Variants in UBE4B observed in about 807,000 individuals in gnomAD.
UBE4B encodes ubiquitination factor E4B.
UBE4B carries 27 observed loss-of-function variants against 148.1 expected under a neutral mutation model. The observed-to-expected ratio is 0.18, with a 90% CI of 0.13 to 0.25. The LOEUF (loss-of-function observed/expected upper bound fraction) is 0.25, where lower values mean the gene tolerates loss of function less well. Ranked by LOEUF, UBE4B falls within the 10% of genes least tolerant of loss-of-function variation. The probability of loss-of-function intolerance (pLI) is 1.00; values close to 1 mark genes in which losing one functional copy is unlikely to be tolerated. For synonymous variants in UBE4B, 596 were observed against 619.3 expected, an observed-to-expected ratio of 0.96 and a Z score of 0.56; for missense variants, 1,170 against 1,662.4, an observed-to-expected ratio of 0.70 and a Z score of 5.15.
chr1:10,180,059 G>A lies in UBE4B; in HGVS notation c.*103G>A. The A allele has an allele frequency of 6.6e-7, 1 of 1,504,022 alleles. No individual in the cohort carries two copies. The highest frequency in any genetic ancestry group is 9.1e-7 in the Non-Finnish European group (1 of 1,093,740). The allele number at this position is 1,504,022 out of a possible 1,614,324, so 93.2% of individuals were successfully genotyped here. ...GCCGTTCATGTGTTGGAGGCCAAATGTGGCAAACCAACCCCAGGCCCACCC... is the reference window on the plus strand; with the variant it reads ...GCCGTTCATGTGTTGGAGGCCAAATATGGCAAACCAACCCCAGGCCCACCC... On this transcript the variant is annotated 3_prime_UTR_variant, in exon 28 of 28. Coordinates refer to ENST00000343090, the MANE Select transcript of UBE4B (RefSeq NM_001105562.3).
chr1:10,139,710 TTTTA>T (rs1374799674), intron 17 of UBE4B, among the ~76,000 whole-genome samples: 2 of 152,184 alleles, frequency 1.3e-5, no homozygotes, highest in African/African-American at 4.8e-5. Flanking sequence ...TTATTTCTGC[TTTTA>T]TTTATTTATT....
chr1:10,106,610 G>C lies in UBE4B; in HGVS notation c.1196+27G>C, dbSNP rs750490354. On this transcript the variant is annotated intron_variant, in intron 7 of 27. Transcript: ENST00000343090. The surrounding 1 kb of genome is among the most constrained non-coding windows in gnomAD (Gnocchi z 4.2). ...TATTTATCCCACAGGAGAGTTGCATGTGTGTTTGCGGTGCAGGGAAAGGAG... is the reference window on the plus strand; with the variant it reads ...TATTTATCCCACAGGAGAGTTGCATCTGTGTTTGCGGTGCAGGGAAAGGAG... 2 of 1,507,324 alleles carry C rather than the reference G, an allele frequency of 1.3e-6. No individual in the cohort carries two copies. Among genetic ancestry groups the C allele is most frequent in the Non-Finnish European group, 1.8e-6 (2 of 1,136,256 alleles). 93.4% of individuals were successfully genotyped at this position (1,507,324 alleles called of 1,614,324 possible). A position where few individuals can be genotyped will look rare whatever the true frequency, so the allele number is the denominator to read the frequency against.
chr1:10,166,277 G>C (rs1041001527), intron 23 of UBE4B: 1 of 152,218 alleles, frequency 6.6e-6, no homozygotes, highest in African/African-American at 2.4e-5. Context: ...GTATCCATGA[G>C]TCAAACAGCT....
chr1:10,156,512 A>G (rs1646075142), intron 21 of UBE4B, among the ~76,000 whole-genome samples: 1 of 152,010 alleles, frequency 6.6e-6, no homozygotes, highest in Admixed American at 6.6e-5. Flanking sequence ...AGTGCTGGAA[A>G]TACAGATGCG....
In UBE4B at chr1:10,132,396, A is replaced by G; in HGVS notation, c.1939A>G (p.Ile647Val). 1.2e-6 allele frequency: 2 copies of G among 1,614,136 alleles called. No individual in the cohort carries two copies. The highest frequency in any genetic ancestry group is 1.3e-5 in the African/African-American group (1 of 75,054). ...RQELFKILHS[I>V]LLNGETREAA... ...AGAGCTTTTTAAGATTCTGCATAGT[A>G]TTTTGTTAAATGGCGAAACCCGTGA... is the stretch of plus-strand genomic sequence containing the variant. Residue 647 changes from isoleucine (I) to valine (V), a missense_variant, in exon 15 of 28, where the codon ATT (isoleucine) becomes GTT (valine). This residue lies in a region of UBE4B where 388 missense variants were observed against 536.0 expected (regional missense o/e 0.72). Transcript: ENST00000343090.
chr1:10,163,688 AAGAG>A (rs988245474), intron 23 of UBE4B, among the ~76,000 whole-genome samples: 1 of 151,888 alleles, frequency 6.6e-6, no homozygotes, highest in Non-Finnish European at 1.5e-5. Context: ...ATAAATATTA[AAGAG>A]AGAGAGTCTT....
At chr1:10,141,479 G>A (rs1235513519) in intron 17 of UBE4B, among the ~76,000 whole-genome samples, 1 of 152,156 alleles carries the variant, frequency 6.6e-6, no homozygotes, top group East Asian at 1.9e-4. Context: ...AACCATCCCT[G>A]CTGACCCCTT....
Position 10,081,808 on chromosome 1 carries a change from C to T in UBE4B, c.211+9594C>T, listed in dbSNP as rs142686814. ...TTCACCATGTTGGCCAGGCTGGTCT[C>T]GAACTCCTGACCTCAGGTGGGCTGC... On this transcript the variant is annotated intron_variant, in intron 2 of 27. Transcript: ENST00000343090. Among the ~76,000 whole-genome samples, 72 of 152,236 alleles carry T rather than the reference C, an allele frequency of 4.7e-4. No individual in the cohort carries two copies. In the East Asian group the frequency reaches 0.012, roughly 24 times the overall value.
At chr1:10,174,535 T>C (rs1209030257) in intron 25 of UBE4B, among the ~76,000 whole-genome samples, 1 of 151,474 alleles carries the variant, frequency 6.6e-6, no homozygotes, top group Non-Finnish European at 1.5e-5. Context: ...ACCCTGTTTC[T>C]ACTAAAAATA....
chr1:10,088,969 A>C (rs935819696), intron 2 of UBE4B, among the ~76,000 whole-genome samples: 1 of 152,036 alleles, frequency 6.6e-6, no homozygotes, highest in African/African-American at 2.4e-5. Context: ...GTGAGCCACC[A>C]CACCCAGCCC....
At chr1:10,105,825 G>T in intron 6 of UBE4B, 81 bp downstream of exon 6, 2 of 1,337,178 alleles carry the variant, frequency 1.5e-6, no homozygotes, top group Non-Finnish European at 2.1e-6. Context: ...TTTGTTGACA[G>T]TGTTAATCAG....
In UBE4B at chr1:10,137,591, T is replaced by G. The variant is rs553601982; in HGVS notation, c.2363+386T>G. Among the ~76,000 whole-genome samples the G allele has an allele frequency of 5.3e-5, 8 of 152,336 alleles. No homozygotes were observed. The East Asian group carries it at 1.3e-3, about 26-fold the overall frequency. Reference sequence around the variant, plus strand: ...AAAAAGTAACCATGGTTTCCCTTGATAACCAGGATCATTTACTCCTGCCTA... The same window carrying G: ...AAAAAGTAACCATGGTTTCCCTTGAGAACCAGGATCATTTACTCCTGCCTA... On this transcript the variant is annotated intron_variant, in intron 17 of 27. Transcript: ENST00000343090.
At chr1:10,171,389 C>G in intron 25 of UBE4B, 60 bp downstream of exon 25, 1 of 1,570,174 alleles carries the variant, frequency 6.4e-7, no homozygotes, top group East Asian at 2.3e-5. Context: ...ATAATAACCA[C>G]AGTGGCCAGG....
Position 10,158,375 on chromosome 1 carries a change from C to T in UBE4B, c.2946C>T (p.Ala982=). The T allele has an allele frequency of 6.2e-7, 1 of 1,614,118 alleles. No homozygotes were observed. Among genetic ancestry groups the T allele is most frequent in the Non-Finnish European group, 8.5e-7 (1 of 1,180,016 alleles). The change falls in exon 22 of 28, where the codon GCC becomes GCT. Residue 982 remains alanine, a synonymous_variant. Transcript: ENST00000343090. ...KFYTDVEHTG[A]TSEFYDKFTI... is the part of the protein sequence containing the mutation. ...CTTTAGATGTTGAGCATACCGGAGC[C>T]ACCAGTGAGTTTTATGACAAGTTCA...
At chr1:10,047,569 C>T (rs1190145684) in intron 1 of UBE4B, among the ~76,000 whole-genome samples, 7 of 150,856 alleles carry the variant, frequency 4.6e-5, no homozygotes, top group African/African-American at 9.8e-5. Flanking sequence ...CTCGGCTCAC[C>T]GCAAGCTCCG....
intron 2 of UBE4B, among the ~76,000 whole-genome samples, chr1:10,083,124 T>C (rs935651528): frequency 1.3e-5 from 2 of 152,172 alleles, no homozygotes; most frequent in Non-Finnish European, 2.9e-5. Context: ...TGTGTCTTTA[T>C]GGTAGAATGA....
chr1:10,172,836 A>G (rs537445988), intron 25 of UBE4B, among the ~76,000 whole-genome samples: 341 of 152,284 alleles, frequency 2.2e-3, no homozygotes, highest in African/African-American at 7.8e-3. Flanking sequence ...ATGCTGGACC[A>G]CAAAGACCAT....
chr1:10,158,746 C>T (rs187033730), intron 22 of UBE4B, among the ~76,000 whole-genome samples: 5 of 152,122 alleles, frequency 3.3e-5, no homozygotes, highest in Middle Eastern at 3.4e-3. Context: ...TGGTGGCTCA[C>T]GCCTGTAATC....
Position 10,131,999 on chromosome 1 carries a change from G to A in UBE4B, c.1912-370G>A, listed in dbSNP as rs191232752. On this transcript the variant is annotated intron_variant, in intron 14 of 27. Transcript: ENST00000343090. Reference sequence around the variant, plus strand: ...GCAAAAACTAGCTGGGTGTGGCGGCGTGTGCCTGTAATCCCAACTACTCGG... The same window carrying A: ...GCAAAAACTAGCTGGGTGTGGCGGCATGTGCCTGTAATCCCAACTACTCGG... 3.1e-3 allele frequency among the ~76,000 whole-genome samples: 472 copies of A among 151,924 alleles called. 2 individuals are homozygous for A. The highest frequency in any genetic ancestry group is 0.024 in the Middle Eastern group (7 of 294).
Sources: allele counts gnomAD v4.1 joint callset (sites outside exome capture counted in the v4.1 genomes callset), GRCh38; gene constraint gnomAD v4.1.1; regional missense constraint gnomAD v4.1.1; non-coding constraint Gnocchi (gnomAD v3.1); transcripts MANE v1.5; gene names NCBI Gene and HGNC (gene_info 2026-07-23, HGNC 2026-07-21).